The following PIK3R3 variants were observed in gnomAD, a reference collection of about 807,000 sequenced individuals.
The protein encoded by PIK3R3 is phosphatidylinositol 3-kinase regulatory subunit gamma.
PIK3R3 carries 64 observed loss-of-function variants against 62.9 expected under a neutral mutation model. The ratio of observed to expected loss-of-function variants is 1.02; its 90% CI spans 0.83 to 1.25. The LOEUF (loss-of-function observed/expected upper bound fraction) is 1.25. Among genes scored for constraint, PIK3R3 ranks in the 50% most tolerant of loss-of-function variants. The probability of loss-of-function intolerance (pLI) is 0.00; values close to 1 mark genes in which losing one functional copy is unlikely to be tolerated. For synonymous variants in PIK3R3, 165 were observed against 189.0 expected (o/e 0.87, Z 1.04); for missense variants, 614 against 561.6 (o/e 1.09, Z -0.94).
upstream of PIK3R3, chr1:46,132,636 C>A (rs958505642): frequency 6.2e-6 from 8 of 1,289,748 alleles, no homozygotes; most frequent in East Asian, 4.4e-4. Flanking sequence ...GCCCGGACTC[C>A]AGCCACTAGA....
At chr1:46,172,992 CA>C in the PIK3R3 span, among the ~76,000 whole-genome samples, 14 of 140,560 alleles carry the variant, frequency 1.0e-4, no homozygotes, top group Non-Finnish European at 1.1e-4. Flanking sequence ...GGCGCTGTCT[CA>C]AAAAAAAAAG....
chr1:46,055,855 T>A lies in PIK3R3; in HGVS notation c.881A>T (p.Lys294Ile). ...CAGGTCAGGTTTGATGCTATTCATT[T>A]TTTTATCTATTTCTCGGTTGTCCAA... ...QALDNREIDK[K>I]MNSIKPDLIQ... The change falls in exon 7 of 10, where the codon AAA becomes ATA. Residue 294 changes from lysine (K) to isoleucine (I), a missense_variant. Transcript: ENST00000262741. The A allele has an allele frequency of 1.9e-6, 3 of 1,610,398 alleles. No homozygotes were observed. Among genetic ancestry groups the A allele is most frequent in the Non-Finnish European group, 2.5e-6 (3 of 1,178,344 alleles).
the PIK3R3 span, chr1:46,139,049 CA>C: frequency 6.6e-6 from 1 of 152,070 alleles, no homozygotes; most frequent in East Asian, 1.9e-4. Context: ...TTCAAATAAA[CA>C]AAAAATATAA....
At chr1:46,132,842 CA>C, upstream of PIK3R3, 5 of 1,210,248 alleles carry the variant, frequency 4.1e-6, no homozygotes, top group Non-Finnish European at 5.3e-6. Context: ...TCTCGACTTT[CA>C]CGTCTCCCCA....
At chr1:46,056,110 G>A in intron 6 of PIK3R3, 139 bp from the exon 7 acceptor site, 1 of 567,826 alleles carries the variant, frequency 1.8e-6, no homozygotes, top group Non-Finnish European at 3.0e-6. Flanking sequence ...GAGTGTAGTG[G>A]CATGATCTCG....
intron 6 of PIK3R3, among the ~76,000 whole-genome samples, chr1:46,058,705 A>G (rs1488386416): frequency 6.6e-6 from 1 of 152,192 alleles, no homozygotes; most frequent in Non-Finnish European, 1.5e-5. Context: ...GAACAGGTGT[A>G]TTTACCCAAT....
chr1:46,157,290 C>T, the PIK3R3 span, among the ~76,000 whole-genome samples: 10 of 152,264 alleles, frequency 6.6e-5, 1 homozygote, highest in Non-Finnish European at 1.0e-4. Context: ...CATACCACCA[C>T]GCCAGCTAAT....
At chr1:46,121,033 G>C (rs771652747) in intron 1 of PIK3R3, among the ~76,000 whole-genome samples, 4 of 152,164 alleles carry the variant, frequency 2.6e-5, no homozygotes, top group Admixed American at 2.0e-4. Flanking sequence ...CTAGCCTGAG[G>C]ATGAAGCCAG....
intron 7 of PIK3R3, 159 bp from the exon 8 acceptor site, chr1:46,046,784 T>C: frequency 1.7e-6 from 1 of 584,048 alleles, no homozygotes; most frequent in Non-Finnish European, 3.0e-6. Flanking sequence ...TCTCGATTAC[T>C]TTTCTTTCAA....
At chr1:46,153,954 G>A in the PIK3R3 span, among the ~76,000 whole-genome samples, 8 of 152,204 alleles carry the variant, frequency 5.3e-5, no homozygotes, top group African/African-American at 1.9e-4. Context: ...CAGTACTTAG[G>A]ACTTGATCTA....
the PIK3R3 span, among the ~76,000 whole-genome samples, chr1:46,166,091 G>C: frequency 6.6e-6 from 1 of 151,204 alleles, no homozygotes; most frequent in Non-Finnish European, 1.5e-5. Context: ...TTATTATGAA[G>C]GTACCAAGAA....
Position 46,131,798 on chromosome 1 carries a change from A to C in PIK3R3, c.106+49T>G, listed in dbSNP as rs111851056. 2.7e-4 allele frequency: 425 copies of C among 1,567,238 alleles called. 5 individuals carry two copies. The African/African-American group carries it at 5.0e-3, about 18-fold the overall frequency. ...GAAAACATCAGCAAGCTCTTGGTAAATACAAATCAGACCCATCACGAGATT... is the reference window on the plus strand; with the variant it reads ...GAAAACATCAGCAAGCTCTTGGTAACTACAAATCAGACCCATCACGAGATT... On this transcript the variant is annotated intron_variant, in intron 1 of 9. Coordinates refer to ENST00000262741, the MANE Select transcript of PIK3R3 (RefSeq NM_003629.4).
At chr1:46,105,090 G>C (rs962403805) in intron 1 of PIK3R3, 9 of 740,546 alleles carry the variant, frequency 1.2e-5, no homozygotes, top group Non-Finnish European at 2.2e-5. Context: ...ATTGCTGTAT[G>C]GACTTATGTA....
chr1:46,164,751 C>T, the PIK3R3 span, among the ~76,000 whole-genome samples: 1 of 152,178 alleles, frequency 6.6e-6, no homozygotes, highest in Non-Finnish European at 1.5e-5. Context: ...GTAGTTTCCC[C>T]AGATTTTCTG....
At chr1:46,061,792 C>A in intron 6 of PIK3R3, 137 bp downstream of exon 6, 2 of 772,116 alleles carry the variant, frequency 2.6e-6, no homozygotes, top group African/African-American at 1.8e-5. Context: ...AATTTGGTGC[C>A]ATTAGTGGAA....
the PIK3R3 span, among the ~76,000 whole-genome samples, chr1:46,166,016 C>T: frequency 2.0e-5 from 3 of 151,410 alleles, no homozygotes; most frequent in South Asian, 2.1e-4. Context: ...CCTCGTGATT[C>T]GCCCGCCTCG....
chr1:46,165,975 T>C, the PIK3R3 span, among the ~76,000 whole-genome samples: 1 of 150,440 alleles, frequency 6.6e-6, no homozygotes, highest in Non-Finnish European at 1.5e-5. Flanking sequence ...GGGTTTCACC[T>C]GTGTTAGCCA....
At chr1:46,142,083 C>G in the PIK3R3 span, among the ~76,000 whole-genome samples, 1 of 152,216 alleles carries the variant, frequency 6.6e-6, no homozygotes, top group Non-Finnish European at 1.5e-5. Flanking sequence ...CTGTATTCAT[C>G]CCTTCAAAAG....
intron 1 of PIK3R3, among the ~76,000 whole-genome samples, chr1:46,118,993 A>G (rs979546575): frequency 6.6e-6 from 1 of 151,342 alleles, no homozygotes; most frequent in Non-Finnish European, 1.5e-5. Context: ...CCCCATCCTC[A>G]CACCTGTTAT....
Sources: allele counts gnomAD v4.1 joint callset (sites outside exome capture counted in the v4.1 genomes callset), GRCh38; gene constraint gnomAD v4.1.1; transcripts MANE v1.5; gene names NCBI Gene and HGNC (gene_info 2026-07-23, HGNC 2026-07-21).